The following ULK4 variants were observed in gnomAD, a reference collection of about 807,000 sequenced individuals.
ULK4 encodes inactive serine/threonine-protein kinase ULK4.
Under a neutral mutation model 160.6 loss-of-function variants are expected in ULK4, and 133 were observed. The ratio of observed to expected loss-of-function variants is 0.83; its 90% CI spans 0.72 to 0.96. The LOEUF (loss-of-function observed/expected upper bound fraction) is 0.96, where lower values mean the gene tolerates loss of function less well. Ranked by LOEUF, ULK4 falls within the 40% of genes least tolerant of loss-of-function variation. The pLI, the probability that ULK4 is intolerant of heterozygous loss-of-function variation, is 0.00. For synonymous variants in ULK4, 534 were observed against 539.8 expected (o/e 0.99, Z 0.15); for missense variants, 1,580 against 1,499.5 (o/e 1.05, Z -0.89).
chr3:41,681,886 CA>C, intron 27 of ULK4, 82 bp from the exon 28 acceptor site: 1 of 1,486,154 alleles, frequency 6.7e-7, no homozygotes, highest in Non-Finnish European at 9.3e-7. Flanking sequence ...TTTCCACAGA[CA>C]GAATCCCTAA....
chr3:41,654,684 C>A (rs886515833), intron 30 of ULK4, among the ~76,000 whole-genome samples: 4 of 152,150 alleles, frequency 2.6e-5, no homozygotes, highest in African/African-American at 9.7e-5. Context: ...TTTATGCTTG[C>A]GTTATCCCGT....
At chr3:41,317,527 G>T (rs907575065) in intron 35 of ULK4, among the ~76,000 whole-genome samples, 9 of 152,042 alleles carry the variant, frequency 5.9e-5, no homozygotes, top group African/African-American at 2.2e-4. Context: ...AATGATAAAT[G>T]ATCTAACACA....
intron 34 of ULK4, among the ~76,000 whole-genome samples, chr3:41,407,615 G>T (rs758645414): frequency 4.6e-5 from 7 of 152,088 alleles, no homozygotes; most frequent in Non-Finnish European, 7.4e-5. Context: ...ATAGAATAAA[G>T]AACAAAAACT....
chr3:41,249,759 G>A (rs1042824337), intron 35 of ULK4, among the ~76,000 whole-genome samples, 185 bp from the exon 36 acceptor site: 10 of 152,180 alleles, frequency 6.6e-5, no homozygotes, highest in Admixed American at 1.3e-4. Flanking sequence ...GCTGACCAAG[G>A]GGAAAGAGGC....
chr3:41,415,871 G>C (rs2082514922), intron 34 of ULK4, among the ~76,000 whole-genome samples: 1 of 152,170 alleles, frequency 6.6e-6, no homozygotes, highest in Admixed American at 6.5e-5. Flanking sequence ...TGCCAAATAA[G>C]TGTGTCAGTG....
At chr3:41,658,014 A>G (rs546318466) in intron 30 of ULK4, among the ~76,000 whole-genome samples, 1 of 152,304 alleles carries the variant, frequency 6.6e-6, no homozygotes, top group East Asian at 1.9e-4. Context: ...GCCAAAGCAA[A>G]TAATAAGACA....
At chr3:41,890,144 T>TA (rs1369160560) in intron 16 of ULK4, among the ~76,000 whole-genome samples, 1 of 152,158 alleles carries the variant, frequency 6.6e-6, no homozygotes, top group East Asian at 1.9e-4. Flanking sequence ...GTTCTGAAAT[T>TA]AGATAATGGC....
intron 35 of ULK4, among the ~76,000 whole-genome samples, chr3:41,327,898 C>A (rs6764084): frequency 0.013 from 2,013 of 152,254 alleles, 32 homozygotes; most frequent in African/African-American, 0.046. Flanking sequence ...TATTTTCTTG[C>A]GGAACAGGCT....
intron 11 of ULK4, among the ~76,000 whole-genome samples, chr3:41,909,092 CAAAAAAA>C (rs59762077): frequency 2.8e-5 from 3 of 106,330 alleles, no homozygotes; most frequent in Non-Finnish European, 5.4e-5. Context: ...CACTCCATCT[CAAAAAAA>C]AAAAAAAAAA....
intron 5 of ULK4, among the ~76,000 whole-genome samples, chr3:41,925,464 A>G (rs1171748474): frequency 6.6e-6 from 1 of 152,206 alleles, no homozygotes; most frequent in African/African-American, 2.4e-5. Context: ...TTTCAAGCAC[A>G]AAACTGGGTG....
intron 11 of ULK4, among the ~76,000 whole-genome samples, chr3:41,909,910 T>G (rs1297706703): frequency 6.6e-6 from 1 of 152,210 alleles, no homozygotes; most frequent in Non-Finnish European, 1.5e-5. Flanking sequence ...AAATTTTTTT[T>G]TTTGAGACGG....
At chr3:41,455,252 T>C (rs2083517985) in intron 34 of ULK4, among the ~76,000 whole-genome samples, 1 of 152,186 alleles carries the variant, frequency 6.6e-6, no homozygotes, top group African/African-American at 2.4e-5. Context: ...TTACCTCGCA[T>C]TTGTTAAGAA....
At chr3:41,732,782 T>C (rs771080817) in intron 22 of ULK4, among the ~76,000 whole-genome samples, 7 of 152,124 alleles carry the variant, frequency 4.6e-5, no homozygotes, top group Non-Finnish European at 8.8e-5. Flanking sequence ...ACAATAATAA[T>C]ATTCAACCAT....
At chr3:41,918,374 C>A in intron 7 of ULK4, 83 bp downstream of exon 7, 1 of 847,148 alleles carries the variant, frequency 1.2e-6, no homozygotes, top group South Asian at 2.0e-5. Flanking sequence ...AGTTATGAAT[C>A]AATAAAAGCA....
chr3:41,647,491 G>A (rs1165599229), intron 30 of ULK4, among the ~76,000 whole-genome samples: 8 of 152,204 alleles, frequency 5.3e-5, no homozygotes, highest in Non-Finnish European at 8.8e-5. Flanking sequence ...ATCAGCAGCG[G>A]TGGCTGCAGA....
rs1426618385 is a variant in ULK4 at position 41,754,393 on chromosome 3, G to A, written c.2289C>T (p.Asn763=). 1 of 1,612,758 alleles carries A rather than the reference G, an allele frequency of 6.2e-7. No homozygotes were observed. The highest frequency in any genetic ancestry group is 1.3e-5 in the African/African-American group (1 of 74,814). The change falls in exon 22 of 37, where the codon AAC becomes AAT. Residue 763 remains asparagine, a synonymous_variant. Transcript: ENST00000301831. The part of the protein sequence containing the change: ...FLVLLYILIY[N]REMLLLSCQA... ...GGCAACTGAGCAGCAACATCTCACG[G>A]TTATAAATCAAAATATATAGAAGAA...
intron 34 of ULK4, among the ~76,000 whole-genome samples, chr3:41,414,434 T>A (rs2082480874): frequency 6.6e-6 from 1 of 152,178 alleles, no homozygotes; most frequent in Admixed American, 6.5e-5. Context: ...GTGTTGTATT[T>A]ACTTTCCGTT....
chr3:41,944,430 A>T (rs566222377), intron 2 of ULK4, among the ~76,000 whole-genome samples: 1 of 152,176 alleles, frequency 6.6e-6, no homozygotes, highest in Non-Finnish European at 1.5e-5. Flanking sequence ...ACAGAGTGAG[A>T]TCCTGTCTAA....
At chr3:41,622,411 T>G (rs1050764732) in intron 30 of ULK4, among the ~76,000 whole-genome samples, 4 of 152,212 alleles carry the variant, frequency 2.6e-5, no homozygotes, top group African/African-American at 9.6e-5. Flanking sequence ...CATGGAATGC[T>G]ATGCAGCCAT....
Sources: allele counts gnomAD v4.1 joint callset (sites outside exome capture counted in the v4.1 genomes callset), GRCh38; gene constraint gnomAD v4.1.1; transcripts MANE v1.5; gene names NCBI Gene and HGNC (gene_info 2026-07-23, HGNC 2026-07-21).